Variants in GPC5 observed in about 807,000 individuals in gnomAD.
The protein encoded by GPC5 is glypican 5, also known as glypican-5.
A neutral mutation model predicts 53.9 loss-of-function variants in GPC5; 47 were observed. The observed-to-expected ratio is 0.87, with a 90% confidence interval of 0.69 to 1.11. The LOEUF is 1.11. GPC5 is among the 50% of genes most tolerant of loss of function. The probability of loss-of-function intolerance (pLI) is 0.00; values close to 1 mark genes in which losing one functional copy is unlikely to be tolerated. For synonymous variants in GPC5, 286 were observed against 263.3 expected (o/e 1.09, Z -0.84); for missense variants, 748 against 713.1 (o/e 1.05, Z -0.56).
intron 6 of GPC5, among the ~76,000 whole-genome samples, chr13:92,032,085 T>C (rs1313287162): frequency 7.1e-6 from 1 of 141,346 alleles, no homozygotes; most frequent in East Asian, 2.0e-4. Flanking sequence ...ATATATCTGA[T>C]GGAATACTAC....
chr13:92,051,392 G>A (rs2138838803), intron 6 of GPC5, among the ~76,000 whole-genome samples: 1 of 152,024 alleles, frequency 6.6e-6, no homozygotes, highest in Admixed American at 6.5e-5. Context: ...AGTAGAGGCA[G>A]GGTTTCACCA....
chr13:92,685,564 T>TTTTTTTTAA (rs1566363709), intron 7 of GPC5, among the ~76,000 whole-genome samples: 7 of 143,612 alleles, frequency 4.9e-5, no homozygotes, highest in East Asian at 2.0e-4. Flanking sequence ...TTTTTAATTT[T>TTTTTTTTAA]TTTTTTTTTT....
chr13:92,508,428 A>G (rs2138947521), intron 7 of GPC5, among the ~76,000 whole-genome samples: 1 of 152,304 alleles, frequency 6.6e-6, no homozygotes, highest in Non-Finnish European at 1.5e-5. Context: ...AGAACTTTTA[A>G]TACAAGAAAA....
chr13:91,661,097 C>T (rs1398477059), intron 2 of GPC5, among the ~76,000 whole-genome samples: 1 of 152,044 alleles, frequency 6.6e-6, no homozygotes, highest in African/African-American at 2.4e-5. Context: ...TGTTGATACA[C>T]ACTGTAAGGC....
intron 1 of GPC5, among the ~76,000 whole-genome samples, chr13:91,438,030 C>G (rs1181682302): frequency 8.6e-6 from 1 of 116,798 alleles, no homozygotes; most frequent in Non-Finnish European, 1.9e-5. Context: ...CCTTTAAGGA[C>G]TTCTCTGCAT....
At chr13:91,468,740 T>C (rs1367604476) in intron 2 of GPC5, among the ~76,000 whole-genome samples, 1 of 152,146 alleles carries the variant, frequency 6.6e-6, no homozygotes, top group Non-Finnish European at 1.5e-5. Context: ...CCAATACAAA[T>C]GTGTTTAAAA....
chr13:92,227,398 C>T (rs2042495712), intron 7 of GPC5, among the ~76,000 whole-genome samples: 1 of 152,152 alleles, frequency 6.6e-6, no homozygotes, highest in South Asian at 2.1e-4. Context: ...CAGAAAGTGA[C>T]ATGGTATTTC....
chr13:91,660,480 G>A (rs2034961985), intron 2 of GPC5, among the ~76,000 whole-genome samples: 2 of 152,154 alleles, frequency 1.3e-5, no homozygotes, highest in South Asian at 4.1e-4. Context: ...TGCATTCCCG[G>A]CAGATTCCCT....
At chr13:92,028,081 G>A (rs1057507368) in intron 6 of GPC5, among the ~76,000 whole-genome samples, 1 of 152,146 alleles carries the variant, frequency 6.6e-6, no homozygotes, top group Non-Finnish European at 1.5e-5. Context: ...CAGACTGCTG[G>A]TGGATTCCTA....
At chr13:92,758,592 CT>C (rs1875013441) in intron 7 of GPC5, among the ~76,000 whole-genome samples, 1 of 152,130 alleles carries the variant, frequency 6.6e-6, no homozygotes, top group Non-Finnish European at 1.5e-5. Flanking sequence ...AGTGGCCATT[CT>C]TTGGCTGTTA....
At chr13:92,590,756 A>G (rs1365733517) in intron 7 of GPC5, among the ~76,000 whole-genome samples, 5 of 152,158 alleles carry the variant, frequency 3.3e-5, no homozygotes, top group African/African-American at 9.7e-5. Context: ...ACTGCTACTC[A>G]TTGTTTTGTT....
At chr13:92,145,122 A>G in intron 7 of GPC5, 133 bp downstream of exon 7, 1 of 877,438 alleles carries the variant, frequency 1.1e-6, no homozygotes, top group African/African-American at 1.8e-5. Flanking sequence ...AAATGAATCT[A>G]TTTTTGGTTT....
At chr13:92,782,633 C>T (rs1566416328) in intron 7 of GPC5, among the ~76,000 whole-genome samples, 1 of 152,126 alleles carries the variant, frequency 6.6e-6, no homozygotes. Flanking sequence ...ATTATAAGCT[C>T]ATTATTTTCT....
At chr13:91,829,103 G>A (rs1434545424) in intron 5 of GPC5, among the ~76,000 whole-genome samples, 3 of 151,976 alleles carry the variant, frequency 2.0e-5, no homozygotes, top group Non-Finnish European at 4.4e-5. Flanking sequence ...TCAATATTGG[G>A]TTAAAATGAC....
chr13:92,490,964 G>C (rs574027997), intron 7 of GPC5, among the ~76,000 whole-genome samples: 11 of 152,106 alleles, frequency 7.2e-5, no homozygotes, highest in African/African-American at 2.6e-4. Context: ...TCACATGCAG[G>C]GGGTACAGAA....
chr13:92,818,049 G>A (rs984017563), intron 7 of GPC5, among the ~76,000 whole-genome samples: 34 of 144,306 alleles, frequency 2.4e-4, no homozygotes, highest in African/African-American at 3.7e-4. Context: ...GTCTCGCTCC[G>A]TCACCTAGGC....
At chr13:92,481,892 G>A (rs776919273) in intron 7 of GPC5, among the ~76,000 whole-genome samples, 7 of 152,128 alleles carry the variant, frequency 4.6e-5, no homozygotes, top group Non-Finnish European at 8.8e-5. Context: ...ACTTTGGGAC[G>A]CAGAGGTGGG....
rs143836118 is a variant in GPC5 at position 92,841,034 on chromosome 13, G to C, written c.1562-25248G>C. Among the ~76,000 whole-genome samples, 39 of 152,070 alleles carry C rather than the reference G, an allele frequency of 2.6e-4. 1 individual carries two copies. The East Asian group carries it at 7.0e-3, about 27-fold the overall frequency. ...TATCTTTAGGGCTTTCTACATATAA[G>C]GTCAAGTCATCAGTAAACAGAGCTA... On this transcript the variant is annotated intron_variant, in intron 7 of 7. Transcript: ENST00000377067.
At chr13:92,256,599 T>A (rs1238460111) in intron 7 of GPC5, among the ~76,000 whole-genome samples, 1 of 152,072 alleles carries the variant, frequency 6.6e-6, no homozygotes, top group Admixed American at 6.6e-5. Context: ...ACTTCCAAAA[T>A]ATAACATGCA....
Sources: allele counts gnomAD v4.1 joint callset (sites outside exome capture counted in the v4.1 genomes callset), GRCh38; gene constraint gnomAD v4.1.1; transcripts MANE v1.5; gene names NCBI Gene and HGNC (gene_info 2026-07-23, HGNC 2026-07-21).